CMTM6: variants seen among roughly 807,000 people sequenced by gnomAD.
The protein encoded by CMTM6 is CKLF-like MARVEL transmembrane domain-containing protein 6.
Under a neutral mutation model 13.6 loss-of-function variants are expected in CMTM6, and 5 were observed. The observed-to-expected ratio is 0.37, with a 90% CI of 0.19 to 0.77. CMTM6 has a LOEUF of 0.77. Ranked by LOEUF, CMTM6 falls within the 30% of genes least tolerant of loss-of-function variation. CMTM6 has a pLI of 0.50. For synonymous variants in CMTM6, 99 were observed against 84.5 expected (o/e 1.17, Z -0.94); for missense variants, 196 against 218.6 (o/e 0.90, Z 0.65).
intron 1 of CMTM6, 99 bp downstream of exon 1, chr3:32,502,509 T>G: frequency 6.8e-7 from 1 of 1,464,188 alleles, no homozygotes; most frequent in African/African-American, 1.4e-5. Context: ...CTCCTTTTAC[T>G]GAACAACCAA....
chr3:32,500,600 CTAA>C (rs1553615637), intron 1 of CMTM6, among the ~76,000 whole-genome samples: 2 of 152,152 alleles, frequency 1.3e-5, no homozygotes, highest in Non-Finnish European at 2.9e-5. Flanking sequence ...TGATGGAGAA[CTAA>C]TAATAGTCTA....
At chr3:32,490,341 A>G (rs1274520847) in intron 2 of CMTM6, among the ~76,000 whole-genome samples, 2 of 152,208 alleles carry the variant, frequency 1.3e-5, no homozygotes, top group African/African-American at 4.8e-5. Context: ...ATGAAAAAAT[A>G]TTTAAAACCT....
At chr3:32,484,230 G>A (rs1432351733) in intron 3 of CMTM6, 133 bp from the exon 4 acceptor site, 7 of 754,424 alleles carry the variant, frequency 9.3e-6, no homozygotes, top group South Asian at 7.4e-5. Flanking sequence ...ACTCTTTAAT[G>A]GTAAAAAAAA....
chr3:32,486,291 C>A (rs1466430921), intron 3 of CMTM6, among the ~76,000 whole-genome samples: 2 of 152,216 alleles, frequency 1.3e-5, no homozygotes, highest in African/African-American at 4.8e-5. Context: ...TGCTACCAGT[C>A]CAAGGCCATG....
intron 1 of CMTM6, among the ~76,000 whole-genome samples, chr3:32,496,746 G>A (rs1697295552): frequency 6.6e-6 from 1 of 152,168 alleles, no homozygotes; most frequent in Non-Finnish European, 1.5e-5. Flanking sequence ...AACCTGGATA[G>A]ACAGAGGACA....
At chr3:32,495,427 T>C (rs538211778) in intron 1 of CMTM6, among the ~76,000 whole-genome samples, 2 of 152,366 alleles carry the variant, frequency 1.3e-5, no homozygotes, top group Non-Finnish European at 1.5e-5. Context: ...AACATGACTA[T>C]AGTCTAATAA....
In CMTM6 at chr3:32,486,670, A is replaced by T. The variant is rs560293758; in HGVS notation, c.414+1268T>A. On this transcript the variant is annotated intron_variant, in intron 3 of 3. Transcript: ENST00000205636. ...TACTCAAGGGTTTTTTTGTTTTACAATTCAGGGTAATCCACCATAATAAGT... is the reference window on the plus strand; with the variant it reads ...TACTCAAGGGTTTTTTTGTTTTACATTTCAGGGTAATCCACCATAATAAGT... Among the ~76,000 whole-genome samples, 110 of 152,236 alleles carry T rather than the reference A, an allele frequency of 7.2e-4. 1 individual carries two copies. The highest frequency in any genetic ancestry group is 3.4e-3 in the Middle Eastern group (1 of 294).
intron 1 of CMTM6, among the ~76,000 whole-genome samples, chr3:32,497,857 CA>C (rs5847769): frequency 0.6 from 70,457 of 116,654 alleles, 18,379 homozygotes; most frequent in African/African-American, 0.68. Flanking sequence ...GGCTTCGTCT[CA>C]AAAAAAAAAA....
chr3:32,488,372 A>G (rs1697223132), intron 2 of CMTM6: 1 of 163,860 alleles, frequency 6.1e-6, no homozygotes, highest in South Asian at 2.0e-4. Context: ...AAAAGAAAAA[A>G]AAAAAAAAAC....
At chr3:32,494,796 TC>T (rs1559425275) in intron 1 of CMTM6, among the ~76,000 whole-genome samples, 1 of 152,296 alleles carries the variant, frequency 6.6e-6, no homozygotes, top group East Asian at 1.9e-4. Context: ...CATAGCCCAT[TC>T]TTAGAATAAT....
Position 32,491,901 on chromosome 3 carries a change from A to C in CMTM6, c.139-15T>G, listed in dbSNP as rs758879790. ...AGAGACAGCAACTACAAATGAAGCA[A>C]AACATTTTACTTAAGTGTTTTTTCA... On this transcript the variant is annotated splice_polypyrimidine_tract_variant and intron_variant, in intron 1 of 3. Transcript: ENST00000205636. 2 of 1,590,734 alleles carry C rather than the reference A, an allele frequency of 1.3e-6. No homozygotes were observed. The highest frequency in any genetic ancestry group is 1.7e-4 in the Middle Eastern group (1 of 5,942).
intron 1 of CMTM6, among the ~76,000 whole-genome samples, chr3:32,492,115 G>A (rs1697254554): frequency 1.3e-5 from 2 of 152,182 alleles, no homozygotes; most frequent in African/African-American, 4.8e-5. Context: ...TGCCAGCAAA[G>A]GGGAAATATA....
At position 32,502,588 on chromosome 3, in the gene CMTM6, C is replaced by G; in HGVS notation, c.138+20G>C. ...CCCCGCTCCCCAGCCCGGGCTCGCC[C>G]TCCCTGACCGCGGACTCACCAGCTG... On this transcript the variant is annotated intron_variant, in intron 1 of 3. Coordinates refer to ENST00000205636, the MANE Select transcript of CMTM6 (RefSeq NM_017801.3). 3 of 1,585,610 alleles carry G rather than the reference C, an allele frequency of 1.9e-6. No individual in the cohort carries two copies. The highest frequency in any genetic ancestry group is 2.6e-6 in the Non-Finnish European group (3 of 1,168,594).
At chr3:32,493,413 G>T (rs1015336507) in intron 1 of CMTM6, among the ~76,000 whole-genome samples, 2 of 152,152 alleles carry the variant, frequency 1.3e-5, no homozygotes, top group African/African-American at 4.8e-5. Flanking sequence ...AAAGAGTCAG[G>T]TTTTTTTCTT....
chr3:32,492,812 A>G (rs1033656711), intron 1 of CMTM6, among the ~76,000 whole-genome samples: 3 of 152,246 alleles, frequency 2.0e-5, no homozygotes, highest in Admixed American at 2.0e-4. Context: ...TTTATTAACA[A>G]TCTGCTGAAG....
chr3:32,492,566 C>T (rs1697258285), intron 1 of CMTM6, among the ~76,000 whole-genome samples: 1 of 152,042 alleles, frequency 6.6e-6, no homozygotes, highest in Non-Finnish European at 1.5e-5. Flanking sequence ...GGAGAAGGGA[C>T]CAGAGGTAAG....
chr3:32,489,851 G>A (rs988721787), intron 2 of CMTM6, among the ~76,000 whole-genome samples: 7 of 152,078 alleles, frequency 4.6e-5, no homozygotes, highest in African/African-American at 1.7e-4. Context: ...TCAATAAACG[G>A]GTTCTAGAGC....
intron 1 of CMTM6, among the ~76,000 whole-genome samples, chr3:32,502,129 T>C (rs1697350089): frequency 6.6e-6 from 1 of 152,228 alleles, no homozygotes; most frequent in Admixed American, 6.5e-5. Flanking sequence ...CACATCTCAA[T>C]GCCACGCGTG....
intron 3 of CMTM6, among the ~76,000 whole-genome samples, chr3:32,486,721 C>A (rs1697208585): frequency 6.6e-6 from 1 of 152,132 alleles, no homozygotes; most frequent in South Asian, 2.1e-4. Context: ...TGTGTCCCCA[C>A]CCAATTCTCA....
Sources: gnomAD v4.1 joint callset for allele counts (sites outside exome capture counted in the v4.1 genomes callset) on GRCh38, gnomAD v4.1.1 for gene constraint, MANE v1.5 for transcripts, NCBI Gene and HGNC (gene_info 2026-07-23, HGNC 2026-07-21) for gene names.